TRAPPC8: variants seen among roughly 807,000 people sequenced by gnomAD.
The protein encoded by TRAPPC8 is general sporulation gene 1 homolog.
Under a neutral mutation model 174.3 loss-of-function variants are expected in TRAPPC8, and 54 were observed. The ratio of observed to expected loss-of-function variants is 0.31; its 90% confidence interval spans 0.25 to 0.39. TRAPPC8 has a LOEUF of 0.39. Among genes scored for constraint, TRAPPC8 ranks in the 10% least tolerant of loss-of-function variants. The pLI is 1.00. For synonymous variants in TRAPPC8, 630 were observed against 579.9 expected (o/e 1.09, Z -1.24); for missense variants, 1,531 against 1,699.1 (o/e 0.90, Z 1.74).
Position 31,874,665 on chromosome 18 carries a change from C to T in TRAPPC8, c.1768G>A (p.Val590Ile), listed in dbSNP as rs1463692731. The T allele has an allele frequency of 6.2e-7, 1 of 1,613,972 alleles. No homozygotes were observed. The highest frequency in any genetic ancestry group is 1.7e-5 in the Admixed American group (1 of 60,006). The change falls in exon 13 of 29, where the codon GTT becomes ATT. Residue 590 changes from valine to isoleucine, a missense_variant. By Grantham distance (29) the Val-to-Ile change is conservative. Transcript: ENST00000283351. ...ALRCYCQAMQVYKGKGWSLAE... is the reference protein window; with the variant it reads ...ALRCYCQAMQIYKGKGWSLAE... ...AGAGACCAGCCTTTTCCTTTGTAAA[C>T]TTGCATGGCTTGACAATAACAGCGT...
intron 2 of TRAPPC8, among the ~76,000 whole-genome samples, chr18:31,927,413 C>T (rs2037662833): frequency 6.6e-6 from 1 of 152,116 alleles, no homozygotes; most frequent in Admixed American, 6.6e-5. Flanking sequence ...CAGGTGCCTG[C>T]TGCTGGCTAA....
chr18:31,895,256 A>G (rs2036136175), intron 11 of TRAPPC8, among the ~76,000 whole-genome samples: 1 of 152,240 alleles, frequency 6.6e-6, no homozygotes, highest in South Asian at 2.1e-4. Flanking sequence ...CTTTCTAGTT[A>G]ACAAAATACA....
At position 31,942,532 on chromosome 18, in the gene TRAPPC8, C is replaced by T. The variant is rs543898123; in HGVS notation, c.157+76G>A. 26 of 1,444,472 alleles carry T rather than the reference C, an allele frequency of 1.8e-5. No homozygotes were observed. The East Asian group carries it at 6.2e-4, about 35-fold the overall frequency. The allele number at this position is 1,444,472 out of a possible 1,614,324, so 89.5% of individuals were successfully genotyped here. A position where few individuals can be genotyped will look rare whatever the true frequency, so the allele number is the denominator to read the frequency against. On this transcript the variant is annotated intron_variant, in intron 1 of 28. Transcript: ENST00000283351. ...AGGACGTAAACACTGCCCTTCTCTTCCCTGCCCGCCCGCAACTTCCTTCTC... is the reference window on the plus strand; with the variant it reads ...AGGACGTAAACACTGCCCTTCTCTTTCCTGCCCGCCCGCAACTTCCTTCTC...
At chr18:31,848,065 T>C (rs1015809571) in intron 25 of TRAPPC8, among the ~76,000 whole-genome samples, 1 of 152,128 alleles carries the variant, frequency 6.6e-6, no homozygotes, top group African/African-American at 2.4e-5. Context: ...TAATGAATCA[T>C]TTTTACATTA....
chr18:31,852,616 T>C lies in TRAPPC8; in HGVS notation c.3481A>G (p.Ile1161Val). 2 of 1,614,070 alleles carry C rather than the reference T, an allele frequency of 1.2e-6. No individual in the cohort carries two copies. Among genetic ancestry groups the C allele is most frequent in the Non-Finnish European group, 1.7e-6 (2 of 1,179,994 alleles). The change falls in exon 23 of 29, where the codon ATA becomes GTA. Residue 1161 changes from isoleucine (I) to valine (V), a missense_variant. Coordinates refer to ENST00000283351, the MANE Select transcript of TRAPPC8 (RefSeq NM_014939.5). ...TTACCTTCTTCTTTCTCACATCTTA[T>C]TGCCTTAAAGCAAAACTTTCCCTTC... ...REKGKFCFKA[I>V]RCEKEEAATQ... is the part of the protein sequence containing the mutation.
chr18:31,888,674 A>T (rs1406806493), intron 12 of TRAPPC8, among the ~76,000 whole-genome samples: 1 of 152,208 alleles, frequency 6.6e-6, no homozygotes, highest in Non-Finnish European at 1.5e-5. Context: ...GGAAGAGAAA[A>T]CTGAACACCG....
intron 4 of TRAPPC8, 133 bp downstream of exon 4, chr18:31,916,138 GC>G (rs1184544165): frequency 1.7e-6 from 1 of 581,684 alleles, no homozygotes; most frequent in Non-Finnish European, 2.7e-6. Flanking sequence ...AAAGTTAAAT[GC>G]TTTATTAATA....
At chr18:31,905,014 AGT>A (rs1176713061) in intron 9 of TRAPPC8, among the ~76,000 whole-genome samples, 1 of 149,650 alleles carries the variant, frequency 6.7e-6, no homozygotes, top group Non-Finnish European at 1.5e-5. Context: ...TGGGCAACAG[AGT>A]GAGATTCCAT....
At chr18:31,935,151 C>T (rs1184383876) in intron 1 of TRAPPC8, among the ~76,000 whole-genome samples, 1 of 151,374 alleles carries the variant, frequency 6.6e-6, no homozygotes, top group Non-Finnish European at 1.5e-5. Flanking sequence ...TCAAAACCAG[C>T]CTGACCAACA....
At chr18:31,898,038 A>G in intron 10 of TRAPPC8, 147 bp from the exon 11 acceptor site, 2 of 546,640 alleles carry the variant, frequency 3.7e-6, no homozygotes, top group Non-Finnish European at 5.9e-6. Context: ...CTAAAATCCA[A>G]GGTTTGTCAA....
intron 12 of TRAPPC8, among the ~76,000 whole-genome samples, chr18:31,882,649 C>T (rs541419984): frequency 2.6e-5 from 4 of 152,026 alleles, no homozygotes; most frequent in Non-Finnish European, 5.9e-5. Context: ...CAGAGTCTCG[C>T]TCTGTCGCTC....
intron 16 of TRAPPC8, among the ~76,000 whole-genome samples, chr18:31,869,030 G>A (rs1344387089): frequency 1.3e-5 from 2 of 149,710 alleles, no homozygotes; most frequent in African/African-American, 4.9e-5. Flanking sequence ...CATTATTAAA[G>A]CATTTAGCAA....
intron 2 of TRAPPC8, among the ~76,000 whole-genome samples, chr18:31,920,394 A>G (rs2037330913): frequency 1.3e-5 from 2 of 152,214 alleles, no homozygotes; most frequent in African/African-American, 4.8e-5. Context: ...CATGATGGAC[A>G]ACAGATGTCT....
At chr18:31,851,774 T>C (rs950861177) in intron 24 of TRAPPC8, among the ~76,000 whole-genome samples, 1 of 152,146 alleles carries the variant, frequency 6.6e-6, no homozygotes, top group Non-Finnish European at 1.5e-5. Context: ...CAGAATATGA[T>C]ATGATATGAT....
At chr18:31,871,913 A>G (rs2034882659) in intron 14 of TRAPPC8, among the ~76,000 whole-genome samples, 1 of 152,218 alleles carries the variant, frequency 6.6e-6, no homozygotes, top group East Asian at 1.9e-4. Context: ...AAATTCAAAT[A>G]TAAGAATGTT....
chr18:31,921,618 CAAAAAAA>C (rs34622423), intron 2 of TRAPPC8, among the ~76,000 whole-genome samples: 3 of 61,854 alleles, frequency 4.9e-5, no homozygotes, highest in African/African-American at 1.6e-4. Context: ...GACTCCGTCT[CAAAAAAA>C]AAAAAAAAAA....
intron 19 of TRAPPC8, among the ~76,000 whole-genome samples, chr18:31,859,119 A>C (rs998838601): frequency 5.4e-5 from 8 of 148,866 alleles, no homozygotes; most frequent in Admixed American, 2.0e-4. Context: ...AACAAACAAA[A>C]AAACAGATAT....
intron 10 of TRAPPC8, among the ~76,000 whole-genome samples, chr18:31,899,314 G>A (rs1030360704): frequency 3.9e-5 from 6 of 152,084 alleles, no homozygotes; most frequent in South Asian, 2.1e-4. Context: ...TAGCATTCAC[G>A]ATTTCAGAGG....
intron 1 of TRAPPC8, among the ~76,000 whole-genome samples, chr18:31,936,931 A>G (rs1178065503): frequency 3.2e-5 from 4 of 125,204 alleles, no homozygotes; most frequent in Admixed American, 8.2e-5. Flanking sequence ...AAAAAAAAGG[A>G]GCCAGGCGCG....
Sources: gnomAD v4.1 joint callset for allele counts (sites outside exome capture counted in the v4.1 genomes callset) on GRCh38, gnomAD v4.1.1 for gene constraint, MANE v1.5 for transcripts, NCBI Gene and HGNC (gene_info 2026-07-23, HGNC 2026-07-21) for gene names.